TENM3: variants seen among roughly 807,000 people sequenced by gnomAD.
TENM3 encodes the protein teneurin transmembrane protein 3, also known as teneurin-3.
In TENM3, 63 loss-of-function variants were observed where a neutral mutation model predicts 255.1. The ratio of observed to expected loss-of-function variants is 0.25; its 90% CI spans 0.20 to 0.30. The LOEUF (loss-of-function observed/expected upper bound fraction) is 0.30, where lower values mean the gene tolerates loss of function less well. TENM3 is among the 10% of genes least tolerant of loss of function. The pLI, the probability that TENM3 is intolerant of heterozygous loss-of-function variation, is 1.00. For missense variants in TENM3, 2,929 were observed against 3,461.1 expected, an observed-to-expected ratio of 0.85 and a Z score of 3.86; for synonymous variants, 1,306 against 1,322.3, an observed-to-expected ratio of 0.99 and a Z score of 0.27.
the TENM3 span, among the ~76,000 whole-genome samples, chr4:181,807,581 G>A: frequency 2.6e-5 from 4 of 152,128 alleles, no homozygotes; most frequent in East Asian, 1.9e-4. Context: ...TTGAACTCCC[G>A]ACCTCAGGTG....
chr4:181,499,009 C>T, the TENM3 span, among the ~76,000 whole-genome samples: 1 of 152,174 alleles, frequency 6.6e-6, no homozygotes. Context: ...TAATCACACA[C>T]ATTTTACTCA....
intron 1 of TENM3, among the ~76,000 whole-genome samples, chr4:182,295,503 A>T (rs888804874): frequency 4.6e-5 from 7 of 152,026 alleles, no homozygotes; most frequent in African/African-American, 7.2e-5. Context: ...TCCTGACCTC[A>T]GGTGATCTGC....
the TENM3 span, among the ~76,000 whole-genome samples, chr4:181,689,562 T>C: frequency 6.6e-6 from 1 of 152,114 alleles, no homozygotes; most frequent in Non-Finnish European, 1.5e-5. Flanking sequence ...GGGGAGCAGA[T>C]GGAGTACCAA....
intron 3 of TENM3, among the ~76,000 whole-genome samples, chr4:182,433,018 G>T (rs557449237): frequency 6.6e-6 from 1 of 152,142 alleles, no homozygotes; most frequent in Non-Finnish European, 1.5e-5. Flanking sequence ...TTTTAAACAG[G>T]TGTTTCTGAA....
the TENM3 span, among the ~76,000 whole-genome samples, chr4:181,709,556 G>A: frequency 1.3e-5 from 2 of 152,256 alleles, no homozygotes; most frequent in African/African-American, 4.8e-5. Context: ...GGGACTGCAA[G>A]TGCAAAGGCC....
At chr4:182,205,028 T>TTTA (rs1437168186) in intron 1 of TENM3, among the ~76,000 whole-genome samples, 1 of 152,232 alleles carries the variant, frequency 6.6e-6, no homozygotes, top group Non-Finnish European at 1.5e-5. Flanking sequence ...TGCAGTCTTC[T>TTTA]TTATGCTCAT....
At chr4:181,689,484 C>T in the TENM3 span, among the ~76,000 whole-genome samples, 1 of 152,114 alleles carries the variant, frequency 6.6e-6, no homozygotes, top group African/African-American at 2.4e-5. Context: ...TCACATCTAC[C>T]AGGCATAGAC....
In TENM3 at chr4:182,752,112, C is replaced by T. The variant is rs1762420019; in HGVS notation, c.3862+80C>T. Reference sequence around the variant, plus strand: ...AAGGGGTTGAAAATCCATTTAGTGCCTAGTCATGTTTAATGCTGAGTCTAA... The same window carrying T: ...AAGGGGTTGAAAATCCATTTAGTGCTTAGTCATGTTTAATGCTGAGTCTAA... On this transcript the variant is annotated intron_variant, in intron 20 of 27. Coordinates refer to ENST00000511685, the MANE Select transcript of TENM3 (RefSeq NM_001080477.4). The T allele has an allele frequency of 1.3e-5, 12 of 910,890 alleles. No homozygotes were observed. In the South Asian group the frequency reaches 1.7e-4, roughly 13 times the overall value. 56.4% of individuals were successfully genotyped at this position (910,890 alleles called of 1,614,324 possible).
intron 26 of TENM3, among the ~76,000 whole-genome samples, chr4:182,794,582 C>T (rs938934704): frequency 1.3e-5 from 2 of 152,232 alleles, no homozygotes; most frequent in Admixed American, 6.5e-5. Context: ...TCACTGTCTT[C>T]ATTGCCAGTG....
the TENM3 span, among the ~76,000 whole-genome samples, chr4:181,532,750 A>G: frequency 1.0e-3 from 159 of 152,294 alleles, no homozygotes; most frequent in African/African-American, 3.7e-3. Context: ...AGTAGCTTTT[A>G]TTTTACAAGA....
chr4:182,377,694 C>T (rs1344459559), intron 3 of TENM3, among the ~76,000 whole-genome samples: 1 of 152,102 alleles, frequency 6.6e-6, no homozygotes, highest in African/African-American at 2.4e-5. Flanking sequence ...TAAAACAAAT[C>T]ATGTATATAG....
intron 3 of TENM3, among the ~76,000 whole-genome samples, chr4:182,558,369 C>T (rs928522761): frequency 1.3e-5 from 2 of 152,096 alleles, no homozygotes; most frequent in African/African-American, 4.8e-5. Flanking sequence ...GTTTTAGTGG[C>T]CAAAAATACA....
chr4:181,653,826 A>T, the TENM3 span, among the ~76,000 whole-genome samples: 2 of 151,292 alleles, frequency 1.3e-5, no homozygotes, highest in Non-Finnish European at 2.9e-5. Context: ...TAAGCCCCAC[A>T]TATATTAGGT....
chr4:181,876,429 G>A, the TENM3 span, among the ~76,000 whole-genome samples: 1 of 152,048 alleles, frequency 6.6e-6, no homozygotes, highest in East Asian at 1.9e-4. Flanking sequence ...TTAGTCAGAG[G>A]CACTTATTTT....
chr4:182,288,751 T>C (rs1397742801), intron 1 of TENM3, among the ~76,000 whole-genome samples: 2 of 152,234 alleles, frequency 1.3e-5, no homozygotes, highest in Non-Finnish European at 2.9e-5. Context: ...CTGTGGACTC[T>C]GACTCTAGAG....
chr4:181,715,100 G>A, the TENM3 span, among the ~76,000 whole-genome samples: 1 of 152,102 alleles, frequency 6.6e-6, no homozygotes, highest in African/African-American at 2.4e-5. Flanking sequence ...GGTAGAGCAG[G>A]GTCTGGAACC....
the TENM3 span, among the ~76,000 whole-genome samples, chr4:181,968,199 G>A: frequency 6.6e-6 from 1 of 152,264 alleles, no homozygotes; most frequent in Admixed American, 6.5e-5. Flanking sequence ...GAGACCTCCT[G>A]TTATGCTTCA....
chr4:182,678,592 A>C (rs1218316165), intron 7 of TENM3, among the ~76,000 whole-genome samples: 1 of 152,214 alleles, frequency 6.6e-6, no homozygotes, highest in East Asian at 1.9e-4. Flanking sequence ...TGAGTTCACA[A>C]GCCAACCCCA....
chr4:181,509,910 G>A, the TENM3 span, among the ~76,000 whole-genome samples: 1 of 152,352 alleles, frequency 6.6e-6, no homozygotes, highest in East Asian at 1.9e-4. Context: ...GTGGAGTAGA[G>A]CATCAGAGTT....
Sources: allele counts gnomAD v4.1 joint callset (sites outside exome capture counted in the v4.1 genomes callset), GRCh38; gene constraint gnomAD v4.1.1; transcripts MANE v1.5; gene names NCBI Gene and HGNC (gene_info 2026-07-23, HGNC 2026-07-21).